Variants in ZNF845 observed in about 807,000 individuals in gnomAD.
ZNF845 encodes zinc finger protein 845.
A neutral mutation model predicts 76.1 loss-of-function variants in ZNF845; 59 were observed. The observed-to-expected ratio is 0.78, with a 90% CI of 0.63 to 0.96. The LOEUF (loss-of-function observed/expected upper bound fraction) is 0.96, where lower values mean the gene tolerates loss of function less well. ZNF845 is among the 40% of genes least tolerant of loss of function. The pLI is 0.00. For missense variants in ZNF845, 1,045 were observed against 1,172.8 expected (o/e 0.89, Z 1.59); for synonymous variants, 361 against 386.9 (o/e 0.93, Z 0.78).
chr19:53,335,942 T>A (rs1378200271), intron 1 of ZNF845, among the ~76,000 whole-genome samples: 1 of 151,860 alleles, frequency 6.6e-6, no homozygotes, highest in Non-Finnish European at 1.5e-5. Flanking sequence ...TAGTGGCTCA[T>A]GCCTGTAATC....
At chr19:53,342,909 C>G (rs2085266983) in intron 2 of ZNF845, among the ~76,000 whole-genome samples, 1 of 152,060 alleles carries the variant, frequency 6.6e-6, no homozygotes, top group Admixed American at 6.6e-5. Flanking sequence ...ACCACTGCCT[C>G]CCAGGTTCAG....
rs747078783 is a variant in ZNF845, at chr19:53,351,948, T to C, written c.1273T>C (p.Ser425Pro). The C allele has an allele frequency of 6.2e-7, 1 of 1,613,490 alleles. No homozygotes were observed. The highest frequency in any genetic ancestry group is 1.3e-5 in the African/African-American group (1 of 74,792). ...TGGCAAGACCTTCAGTCAGATGTCA[T>C]CCCTTGTATACCATCGTAGACTTCA... is the stretch of plus-strand genomic sequence containing the variant. ...DCGKTFSQMS[S>P]LVYHRRLHTG... Residue 425 changes from serine to proline, a missense_variant, in exon 4 of 4, where the codon TCC (serine) becomes CCC (proline). Transcript: ENST00000458035.
In ZNF845 at chr19:53,353,926, T is replaced by A; in HGVS notation, c.*338T>A. On this transcript the variant is annotated 3_prime_UTR_variant, in exon 4 of 4. Transcript: ENST00000458035. ...TCCATAATGAGAGATTTTGAAAGTG[T>A]AATAAATGTGGCAAATTTTTCAGAC... 1.1e-6 allele frequency: 1 copy of A among 900,240 alleles called. No individual in the cohort carries two copies. The highest frequency in any genetic ancestry group is 1.6e-6 in the Non-Finnish European group (1 of 615,938). 55.8% of individuals were successfully genotyped at this position (900,240 alleles called of 1,614,324 possible).
chr19:53,349,065 G>A (rs1054860822), intron 3 of ZNF845, among the ~76,000 whole-genome samples: 6 of 151,598 alleles, frequency 4.0e-5, no homozygotes, highest in Admixed American at 2.6e-4. Flanking sequence ...TCACCATATT[G>A]GCCAGGCTGC....
intron 3 of ZNF845, among the ~76,000 whole-genome samples, chr19:53,345,856 T>G (rs981196920): frequency 1.2e-3 from 159 of 137,950 alleles, no homozygotes; most frequent in African/African-American, 3.7e-3. Flanking sequence ...ACTTTTTTAG[T>G]TTTTTTTTTT....
chr19:53,341,112 G>C, intron 1 of ZNF845, 123 bp from the exon 2 acceptor site: 1 of 933,492 alleles, frequency 1.1e-6, no homozygotes, highest in South Asian at 1.8e-5. Context: ...TATCGTCCCT[G>C]GTACAGTGGG....
intron 1 of ZNF845, 149 bp from the exon 2 acceptor site, chr19:53,341,086 A>G: frequency 2.6e-6 from 2 of 756,332 alleles, no homozygotes; most frequent in South Asian, 4.3e-5. Context: ...TTCACCTTCC[A>G]CTGCCTGTAG....
rs1295588398 is a variant in ZNF845, at chr19:53,353,089, G to A, written c.2414G>A (p.Cys805Tyr). Reference sequence around the variant, plus strand: ...CACACTGGAGAGAAACCTTACAAGTGTAATGAATGTGGCAAGAACTTCCGT... The same window carrying A: ...CACACTGGAGAGAAACCTTACAAGTATAATGAATGTGGCAAGAACTTCCGT... Reference protein sequence around the residue: ...RIHTGEKPYKCNECGKNFRHN... With the variant: ...RIHTGEKPYKYNECGKNFRHN... Residue 805 changes from cysteine (C) to tyrosine (Y), a missense_variant, in exon 4 of 4, where the codon TGT becomes TAT. By Grantham distance (194) the Cys-to-Tyr change is radical (BLOSUM62 -2). Transcript: ENST00000458035. 3 of 1,600,808 alleles carry A rather than the reference G, an allele frequency of 1.9e-6. No individual in the cohort carries two copies. Among genetic ancestry groups the A allele is most frequent in the Admixed American group, 1.7e-5 (1 of 59,766 alleles).
rs1214814373 is a variant in ZNF845 at position 53,353,675 on chromosome 19, G to A, written c.*87G>A. The A allele has an allele frequency of 2.6e-6, 4 of 1,518,364 alleles. No individual in the cohort carries two copies. The highest frequency in any genetic ancestry group is 2.6e-6 in the Non-Finnish European group (3 of 1,136,690). The allele number at this position is 1,518,364 out of a possible 1,614,324, so 94.1% of individuals were successfully genotyped here. A position where few individuals can be genotyped will look rare whatever the true frequency, so the allele number is the denominator to read the frequency against. Reference sequence around the variant, plus strand: ...CATACTGGAGAGAAAGCTTACAAATGTAAGAGTTTGTGACAAGAATCTTGG... The same window carrying A: ...CATACTGGAGAGAAAGCTTACAAATATAAGAGTTTGTGACAAGAATCTTGG... On this transcript the variant is annotated 3_prime_UTR_variant, in exon 4 of 4. Coordinates refer to ENST00000458035, the MANE Select transcript of ZNF845 (RefSeq NM_138374.3).
Position 53,351,550 on chromosome 19 carries a change from T to A in ZNF845, c.875T>A (p.Leu292His), listed in dbSNP as rs1430286309. The A allele has an allele frequency of 6.2e-7, 1 of 1,614,150 alleles. No homozygotes were observed. The highest frequency in any genetic ancestry group is 1.1e-5 in the South Asian group (1 of 91,080). ...QELTLTCHHR[L>H]HTGEKHYKCS... is the part of the protein sequence containing the mutation. ...TTAACCCTTACATGCCATCATAGAC[T>A]TCATACTGGAGAGAAACATTACAAG... The change falls in exon 4 of 4, where the codon CTT (leucine) becomes CAT (histidine). Residue 292 changes from leucine to histidine, a missense_variant. By Grantham distance (99) the Leu-to-His change is moderately conservative (BLOSUM62 -3). Coordinates refer to ENST00000458035, the MANE Select transcript of ZNF845 (RefSeq NM_138374.3).
rs755266676 is a variant in ZNF845, at chr19:53,353,428, A to G, written c.2753A>G (p.Asn918Ser). 11 of 1,613,738 alleles carry G rather than the reference A, an allele frequency of 6.8e-6. No individual in the cohort carries two copies. Among genetic ancestry groups the G allele is most frequent in the South Asian group, 2.2e-5 (2 of 91,036 alleles). Residue 918 changes from asparagine to serine, a missense_variant, in exon 4 of 4, where the codon AAT becomes AGT. Transcript: ENST00000458035. ...ACTGGAGAGAAACCTTACAAGTGTA[A>G]TGAGTGTGGCAAAACCTTCCGTCAC... ...IHTGEKPYKC[N>S]ECGKTFRHNS...
chr19:53,337,199 G>C (rs2085221669), intron 1 of ZNF845: 1 of 456,488 alleles, frequency 2.2e-6, no homozygotes, highest in African/African-American at 2.0e-5. Context: ...TGCTGTCCCT[G>C]CTCTTACCCT....
intron 2 of ZNF845, among the ~76,000 whole-genome samples, chr19:53,342,720 G>A (rs886177949): frequency 4.6e-5 from 7 of 152,194 alleles, no homozygotes; most frequent in African/African-American, 1.4e-4. Flanking sequence ...GGGGCGCCAT[G>A]TTCAGGTTTG....
rs2085287657 is a variant in ZNF845 at position 53,345,461 on chromosome 19, G to T, written c.16-45G>T. On this transcript the variant is annotated intron_variant, in intron 2 of 3. Coordinates refer to ENST00000458035, the MANE Select transcript of ZNF845 (RefSeq NM_138374.3). ...CTCTTCTCATTTCGTGTAAAGATAA[G>T]AACTCCTCCCATAACCATTTCCTTA... 4 of 1,613,020 alleles carry T rather than the reference G, an allele frequency of 2.5e-6. No individual in the cohort carries two copies. The Admixed American group carries it at 6.7e-5, about 27-fold the overall frequency.
At chr19:53,337,228 G>A (rs777727665) in intron 1 of ZNF845, 42 of 453,666 alleles carry the variant, frequency 9.3e-5, no homozygotes, top group African/African-American at 4.2e-4. Flanking sequence ...AAATGATCAC[G>A]GCCCTGTGCC....
intron 2 of ZNF845, among the ~76,000 whole-genome samples, chr19:53,343,446 T>G (rs1300195561): frequency 6.6e-6 from 1 of 152,180 alleles, no homozygotes; most frequent in Non-Finnish European, 1.5e-5. Flanking sequence ...AAAGGGTGAT[T>G]GCTTCTTCTA....
In ZNF845 at chr19:53,356,722, G is replaced by A. The variant is rs2085389022; in HGVS notation, c.*3134G>A. The stretch of plus-strand genomic sequence containing the variant: ...AGGTGGGCGGATCACGAGGTCAGGA[G>A]ATCGAGACCATCCTGGCTAACACGG... On this transcript the variant is annotated 3_prime_UTR_variant, in exon 4 of 4. Transcript: ENST00000458035. 6.6e-6 allele frequency: 1 copy of A among 152,082 alleles called. No individual in the cohort carries two copies. The highest frequency in any genetic ancestry group is 6.5e-5 in the Admixed American group (1 of 15,270). The allele number at this position is 152,082 out of a possible 1,614,324, so 9.4% of individuals were successfully genotyped here.
intron 3 of ZNF845, among the ~76,000 whole-genome samples, chr19:53,349,609 G>T (rs2085320078): frequency 6.6e-6 from 1 of 152,008 alleles, no homozygotes; most frequent in Non-Finnish European, 1.5e-5. Flanking sequence ...AATTCTGCAG[G>T]CTGTATAAAT....
intron 1 of ZNF845, among the ~76,000 whole-genome samples, chr19:53,336,256 GC>G (rs1447146536): frequency 6.7e-6 from 1 of 149,588 alleles, no homozygotes; most frequent in East Asian, 2.0e-4. Context: ...GGTGGCTCAT[GC>G]CTGTAATCCC....
Sources: allele counts gnomAD v4.1 joint callset (sites outside exome capture counted in the v4.1 genomes callset), GRCh38; gene constraint gnomAD v4.1.1; transcripts MANE v1.5; gene names NCBI Gene and HGNC (gene_info 2026-07-23, HGNC 2026-07-21).